HSD17B11: variants seen among roughly 807,000 people sequenced by gnomAD.
HSD17B11 encodes estradiol 17-beta-dehydrogenase 11.
HSD17B11 carries 22 observed loss-of-function variants against 27.8 expected under a neutral mutation model. That is an observed-to-expected ratio of 0.79 (90% CI 0.56 to 1.13). The LOEUF (loss-of-function observed/expected upper bound fraction) is 1.13, where lower values mean the gene tolerates loss of function less well. Ranked by LOEUF, HSD17B11 falls within the 50% of genes most tolerant of loss-of-function variation. The pLI, the probability that HSD17B11 is intolerant of heterozygous loss-of-function variation, is 0.00. For missense variants in HSD17B11, 314 were observed against 351.1 expected (o/e 0.89, Z 0.84); for synonymous variants, 117 against 132.8 (o/e 0.88, Z 0.82).
intron 3 of HSD17B11, 84 bp from the exon 4 acceptor site, chr4:87,372,899 A>G: frequency 1.3e-6 from 1 of 793,538 alleles, no homozygotes; most frequent in South Asian, 1.6e-5. Context: ...ACAAAAGTAT[A>G]TTTTTTAACA....
At chr4:87,344,270 A>G (rs1735226806) in intron 5 of HSD17B11, among the ~76,000 whole-genome samples, 1 of 152,240 alleles carries the variant, frequency 6.6e-6, no homozygotes, top group Admixed American at 6.5e-5. Context: ...ATTGTGTTAT[A>G]TATATTACAG....
chr4:87,382,919 A>C (rs549839850), intron 1 of HSD17B11, among the ~76,000 whole-genome samples: 1 of 152,358 alleles, frequency 6.6e-6, no homozygotes, highest in Admixed American at 6.5e-5. Flanking sequence ...TAAGTATCAT[A>C]GTTAAGTAGG....
chr4:87,353,723 G>A (rs897364148), intron 5 of HSD17B11, among the ~76,000 whole-genome samples: 2 of 145,920 alleles, frequency 1.4e-5, no homozygotes, highest in African/African-American at 2.4e-5. Flanking sequence ...AGCTCTGTGC[G>A]GCCTTGTAGG....
rs1371807756 is a variant in HSD17B11, at chr4:87,385,638, AGGT to A, written c.211-3279_211-3277del. Among the ~76,000 whole-genome samples the A allele has an allele frequency of 2.6e-5, 4 of 152,288 alleles. No individual in the cohort carries two copies. In the South Asian group the frequency reaches 8.3e-4, roughly 32 times the overall value. ...TTTTTAAAAGTATATTGTATTGGCC[AGGT>A]GCGGTGGCTTACACCTGTAATCCCA... is the stretch of plus-strand genomic sequence containing the variant. On this transcript the variant is annotated intron_variant, in intron 1 of 6. Coordinates refer to ENST00000358290, the MANE Select transcript of HSD17B11 (RefSeq NM_016245.5).
At chr4:87,381,259 TCA>T (rs1353877567) in intron 2 of HSD17B11, among the ~76,000 whole-genome samples, 27 of 150,070 alleles carry the variant, frequency 1.8e-4, no homozygotes, top group African/African-American at 6.3e-4. Flanking sequence ...TCTTGCTGAA[TCA>T]CACTTTTTAT....
At chr4:87,360,009 A>G (rs1735475397) in intron 4 of HSD17B11, among the ~76,000 whole-genome samples, 1 of 152,356 alleles carries the variant, frequency 6.6e-6, no homozygotes, top group East Asian at 1.9e-4. Context: ...GAAAAATCAT[A>G]ATATAAAAAT....
At chr4:87,354,339 G>C (rs1735341497) in intron 5 of HSD17B11, among the ~76,000 whole-genome samples, 1 of 152,004 alleles carries the variant, frequency 6.6e-6, no homozygotes, top group African/African-American at 2.4e-5. Context: ...GAACTGTTAG[G>C]CCAGGCATGG....
chr4:87,361,123 A>T (rs561859266), intron 4 of HSD17B11, among the ~76,000 whole-genome samples: 4 of 152,302 alleles, frequency 2.6e-5, no homozygotes, highest in Non-Finnish European at 5.9e-5. Context: ...ATTCTAAGTC[A>T]TAAGATGACA....
intron 2 of HSD17B11, 29 bp downstream of exon 2, chr4:87,382,226 T>C (rs921256045): frequency 4.0e-5 from 61 of 1,521,446 alleles, no homozygotes; most frequent in Non-Finnish European, 5.1e-5. Context: ...TCTAACATGA[T>C]ATGATTCTAA....
chr4:87,338,872 C>T (rs1735108552), intron 6 of HSD17B11, among the ~76,000 whole-genome samples: 1 of 152,150 alleles, frequency 6.6e-6, no homozygotes, highest in Admixed American at 6.5e-5. Flanking sequence ...CTTTATTCGT[C>T]TCAGCCCTAT....
intron 4 of HSD17B11, among the ~76,000 whole-genome samples, chr4:87,370,606 A>G (rs1415932102): frequency 6.6e-6 from 1 of 150,692 alleles, no homozygotes; most frequent in African/African-American, 2.4e-5. Context: ...TTTAGTAGAG[A>G]CAGGGTTTCA....
At chr4:87,344,265 G>GTT (rs1735226679) in intron 5 of HSD17B11, among the ~76,000 whole-genome samples, 1 of 152,106 alleles carries the variant, frequency 6.6e-6, no homozygotes, top group African/African-American at 2.4e-5. Context: ...AATAAATTGT[G>GTT]TTATATATAT....
chr4:87,353,125 C>T lies in HSD17B11; in HGVS notation c.695+4154G>A, dbSNP rs1292215436. ...GCTGTAGACCGGAGCTGTTCCTATT[C>T]GGCCATCTTGGCTCCTCCCTCTAGT... is the stretch of plus-strand genomic sequence containing the variant. On this transcript the variant is annotated intron_variant, in intron 5 of 6. Transcript: ENST00000358290. Among the ~76,000 whole-genome samples, 8 of 106,632 alleles carry T rather than the reference C, an allele frequency of 7.5e-5. 1 individual carries two copies. The highest frequency in any genetic ancestry group is 1.8e-4 in the Admixed American group (2 of 11,282). The allele number at this position is 106,632 out of a possible 152,430, so 70.0% of individuals were successfully genotyped here.
At chr4:87,346,565 G>A (rs559989258) in intron 5 of HSD17B11, among the ~76,000 whole-genome samples, 32 of 152,160 alleles carry the variant, frequency 2.1e-4, no homozygotes, top group East Asian at 3.9e-4. Context: ...CAGGACAATC[G>A]CTTGAATCTG....
chr4:87,386,455 G>A (rs948911273), intron 1 of HSD17B11, among the ~76,000 whole-genome samples: 8 of 151,978 alleles, frequency 5.3e-5, no homozygotes, highest in Non-Finnish European at 7.4e-5. Flanking sequence ...CTCCCATCTC[G>A]GCCTCCCAAA....
At chr4:87,347,103 A>ATTTTTTTTTTTTTTTTTTTTTTTTTTTT (rs763068482) in intron 5 of HSD17B11, among the ~76,000 whole-genome samples, 1 of 62,586 alleles carries the variant, frequency 1.6e-5, no homozygotes. Flanking sequence ...AGTATTCTGG[A>ATTTTTTTTTTTTTTTTTTTTTTTTTTTT]TTTTTTTTTT....
intron 2 of HSD17B11, among the ~76,000 whole-genome samples, chr4:87,378,859 TATATATAAA>T (rs1720010963): frequency 4.0e-5 from 1 of 24,962 alleles, no homozygotes; most frequent in African/African-American, 3.2e-4. Context: ...TATATATAAA[TATATATAAA>T]TATATATATA....
intron 1 of HSD17B11, among the ~76,000 whole-genome samples, chr4:87,386,482 G>C (rs1274397882): frequency 2.0e-5 from 3 of 151,976 alleles, no homozygotes; most frequent in Non-Finnish European, 4.4e-5. Context: ...GGATTACAGG[G>C]GTGAGCCACT....
chr4:87,359,004 T>A (rs1735452740), intron 4 of HSD17B11, among the ~76,000 whole-genome samples: 1 of 152,074 alleles, frequency 6.6e-6, no homozygotes, highest in Non-Finnish European at 1.5e-5. Flanking sequence ...TCTCACAAGA[T>A]CTGATGGTTT....
Sources: allele counts gnomAD v4.1 joint callset (sites outside exome capture counted in the v4.1 genomes callset), GRCh38; gene constraint gnomAD v4.1.1; transcripts MANE v1.5; gene names NCBI Gene and HGNC (gene_info 2026-07-23, HGNC 2026-07-21).